The following PDE4D variants were observed in gnomAD, a reference collection of about 807,000 sequenced individuals.
The protein encoded by PDE4D is phosphodiesterase 4D.
In PDE4D, 24 loss-of-function variants were observed where a neutral mutation model predicts 87.4. The observed-to-expected ratio is 0.27, with a 90% CI of 0.20 to 0.39. PDE4D has a LOEUF of 0.39. Ranked by LOEUF, PDE4D falls within the 10% of genes least tolerant of loss-of-function variation. PDE4D has a pLI of 1.00. For synonymous variants in PDE4D, 384 were observed against 383.2 expected (o/e 1.00, Z -0.02); for missense variants, 714 against 1,041.0 (o/e 0.69, Z 4.32).
intron 1 of PDE4D, among the ~76,000 whole-genome samples, chr5:59,766,189 C>T (rs1251092263): frequency 6.6e-6 from 1 of 152,156 alleles, no homozygotes; most frequent in African/African-American, 2.4e-5. Context: ...CGTCTTGGGG[C>T]TCATTCAACC....
chr5:59,286,479 A>G (rs1480024851), intron 1 of PDE4D, among the ~76,000 whole-genome samples: 1 of 152,206 alleles, frequency 6.6e-6, no homozygotes, highest in Non-Finnish European at 1.5e-5. Flanking sequence ...TCTCAATAGG[A>G]AATTTTTTAA....
intron 1 of PDE4D, among the ~76,000 whole-genome samples, chr5:60,446,668 T>C (rs528347795): frequency 5.3e-5 from 8 of 152,096 alleles, no homozygotes; most frequent in Admixed American, 1.3e-4. Context: ...AGGGAAAAAA[T>C]ACACAACACC....
chr5:60,320,182 C>T (rs377494928), intron 1 of PDE4D, among the ~76,000 whole-genome samples: 28 of 152,334 alleles, frequency 1.8e-4, no homozygotes, highest in Middle Eastern at 3.4e-3. Context: ...TGGGCAATGG[C>T]GGGAGCCCCT....
At chr5:60,460,491 C>A (rs1006008602) in intron 1 of PDE4D, 1 of 1,533,596 alleles carries the variant, frequency 6.5e-7, no homozygotes, top group Non-Finnish European at 9.0e-7. Context: ...ATTCTGACAT[C>A]TTCTGAAAAA....
intron 1 of PDE4D, among the ~76,000 whole-genome samples, chr5:59,699,037 C>A (rs1177624131): frequency 6.6e-6 from 1 of 152,104 alleles, no homozygotes; most frequent in Non-Finnish European, 1.5e-5. Flanking sequence ...AGGCTTGAGT[C>A]GAACAGAAGA....
At chr5:59,060,811 C>G (rs2153411254) in intron 5 of PDE4D, among the ~76,000 whole-genome samples, 1 of 152,192 alleles carries the variant, frequency 6.6e-6, no homozygotes, top group South Asian at 2.1e-4. Flanking sequence ...TTTAGAAAGT[C>G]TGCCAAACAA....
chr5:59,053,810 C>T (rs1321031652), intron 5 of PDE4D, among the ~76,000 whole-genome samples: 1 of 151,532 alleles, frequency 6.6e-6, no homozygotes, highest in East Asian at 1.9e-4. Flanking sequence ...AATCTTGTGC[C>T]TCAAGCGAGG....
chr5:60,443,050 C>A (rs1025262443), intron 1 of PDE4D, among the ~76,000 whole-genome samples: 6 of 151,958 alleles, frequency 3.9e-5, no homozygotes, highest in African/African-American at 1.5e-4. Flanking sequence ...GAAAATAAAA[C>A]AGAAAGATAC....
intron 9 of PDE4D, 107 bp from the exon 10 acceptor site, chr5:58,990,026 C>T: frequency 3.0e-6 from 2 of 673,098 alleles, no homozygotes; most frequent in Non-Finnish European, 5.1e-6. Context: ...AGTGGATAAC[C>T]TGGAAATGGC....
intron 1 of PDE4D, among the ~76,000 whole-genome samples, chr5:59,392,710 T>C (rs1162183481): frequency 6.6e-6 from 1 of 152,108 alleles, no homozygotes; most frequent in Non-Finnish European, 1.5e-5. Context: ...TGAGGATATA[T>C]CTATACCCTC....
At chr5:60,466,121 T>C (rs1747332570) in intron 1 of PDE4D, among the ~76,000 whole-genome samples, 1 of 152,192 alleles carries the variant, frequency 6.6e-6, no homozygotes, top group African/African-American at 2.4e-5. Context: ...GCTATTGTTA[T>C]CCATTGTTTG....
At chr5:59,106,264 T>C (rs1037973113) in intron 5 of PDE4D, among the ~76,000 whole-genome samples, 6 of 152,182 alleles carry the variant, frequency 3.9e-5, no homozygotes, top group African/African-American at 1.4e-4. Flanking sequence ...CCAATGCACA[T>C]GTGTAGCTGG....
chr5:60,316,551 C>A (rs1755621622), intron 1 of PDE4D, among the ~76,000 whole-genome samples: 1 of 152,140 alleles, frequency 6.6e-6, no homozygotes, highest in Non-Finnish European at 1.5e-5. Flanking sequence ...AGAGGGCATC[C>A]CTCTGTCTTG....
chr5:59,189,666 A>T (rs1408037536), intron 3 of PDE4D, among the ~76,000 whole-genome samples: 1 of 152,146 alleles, frequency 6.6e-6, no homozygotes, highest in East Asian at 1.9e-4. Flanking sequence ...CTGGCCAAGA[A>T]AAAAAGGTCA....
rs530939387 is a variant in PDE4D, at chr5:59,947,669, T to C, written c.272+40819A>G. Among the ~76,000 whole-genome samples, 4 of 152,298 alleles carry C rather than the reference T, an allele frequency of 2.6e-5. No individual in the cohort carries two copies. The East Asian group carries it at 7.7e-4, about 29-fold the overall frequency. ...AATTTATATTTTTCAAAGGCATATT[T>C]AAGAGGAAGCTTGTTTAGGCAACTG... is the stretch of plus-strand genomic sequence containing the variant. On this transcript the variant is annotated intron_variant, in intron 3 of 16. Transcript: ENST00000502484.
At chr5:59,491,970 C>T (rs924373542) in intron 1 of PDE4D, among the ~76,000 whole-genome samples, 13 of 152,134 alleles carry the variant, frequency 8.5e-5, no homozygotes, top group Non-Finnish European at 1.5e-4. Context: ...TTCATTCCCC[C>T]AGCAGCTGGG....
chr5:60,209,418 C>T (rs2149568589), intron 1 of PDE4D, among the ~76,000 whole-genome samples: 1 of 152,164 alleles, frequency 6.6e-6, no homozygotes, highest in South Asian at 2.1e-4. Context: ...TTCCTGTTGG[C>T]AATTCTGCCA....
At chr5:60,099,328 A>G (rs541086206) in intron 2 of PDE4D, among the ~76,000 whole-genome samples, 4 of 152,120 alleles carry the variant, frequency 2.6e-5, no homozygotes, top group African/African-American at 7.2e-5. Flanking sequence ...TCACTAATCT[A>G]GACATCCATA....
At chr5:59,766,789 A>G (rs561132741) in intron 1 of PDE4D, among the ~76,000 whole-genome samples, 2 of 152,260 alleles carry the variant, frequency 1.3e-5, no homozygotes, top group South Asian at 4.1e-4. Flanking sequence ...TGTTGCTCAC[A>G]ATTTTTTCCA....
Sources: gnomAD v4.1 joint callset for allele counts (sites outside exome capture counted in the v4.1 genomes callset) on GRCh38, gnomAD v4.1.1 for gene constraint, MANE v1.5 for transcripts, NCBI Gene and HGNC (gene_info 2026-07-23, HGNC 2026-07-21) for gene names.